DISC1: variants seen among roughly 807,000 people sequenced by gnomAD.
DISC1 encodes the protein disrupted in schizophrenia 1 protein.
Under a neutral mutation model 84.5 loss-of-function variants are expected in DISC1, and 57 were observed. The observed-to-expected ratio is 0.67, with a 90% CI of 0.55 to 0.84. The LOEUF is 0.84. Among genes scored for constraint, DISC1 ranks in the 40% least tolerant of loss-of-function variants. DISC1 has a pLI of 0.00. For missense variants in DISC1, 1,000 were observed against 1,057.8 expected (o/e 0.95, Z 0.76); for synonymous variants, 411 against 415.2 (o/e 0.99, Z 0.12).
intron 9 of DISC1, among the ~76,000 whole-genome samples, chr1:231,957,874 C>A (rs548426672): frequency 2.6e-5 from 4 of 152,208 alleles, no homozygotes; most frequent in Non-Finnish European, 5.9e-5. Context: ...TCCCCAGACA[C>A]TCCAGTAGCA....
intron 12 of DISC1, among the ~76,000 whole-genome samples, chr1:232,026,916 T>C (rs1669531685): frequency 6.6e-6 from 1 of 151,826 alleles, no homozygotes; most frequent in Non-Finnish European, 1.5e-5. Context: ...GCCCAGCTAA[T>C]TTTTTTGTAT....
intron 1 of DISC1, among the ~76,000 whole-genome samples, chr1:231,646,765 T>G (rs1018409155): frequency 2.0e-5 from 3 of 152,220 alleles, no homozygotes; most frequent in African/African-American, 7.2e-5. Flanking sequence ...ACTGATGTGA[T>G]ATGGTATCTC....
Position 232,012,794 on chromosome 1 carries a change from G to C in DISC1, c.2307+3745G>C, listed in dbSNP as rs530647475. On this transcript the variant is annotated intron_variant, in intron 11 of 12. Transcript: ENST00000439617. ...CTTCCTGGGTCTACGGTCCTTGCCA[G>C]GCTGCTGAGCACCATTCCCCCATTT... 1.9e-4 allele frequency among the ~76,000 whole-genome samples: 29 copies of C among 152,300 alleles called. No individual in the cohort carries two copies. The South Asian group carries it at 4.3e-3, about 23-fold the overall frequency.
intron 9 of DISC1, among the ~76,000 whole-genome samples, chr1:231,937,675 A>G (rs1322464459): frequency 3.3e-5 from 5 of 152,154 alleles, no homozygotes; most frequent in Admixed American, 3.3e-4. Context: ...TCCAGGCTGC[A>G]GCTGACAGGG....
chr1:231,947,917 C>T lies in DISC1; in HGVS notation c.1982-10911C>T, dbSNP rs572434631. Among the ~76,000 whole-genome samples, 4 of 152,328 alleles carry T rather than the reference C, an allele frequency of 2.6e-5. No individual in the cohort carries two copies. In the South Asian group the frequency reaches 8.3e-4, roughly 32 times the overall value. On this transcript the variant is annotated intron_variant, in intron 9 of 12. Coordinates refer to ENST00000439617, the MANE Select transcript of DISC1 (RefSeq NM_018662.3). The stretch of plus-strand genomic sequence containing the variant: ...TCAAAACCACAATGAGATACCATCT[C>T]ATGCCAGTTAGAATTGCGATCATTA...
chr1:231,832,758 A>G (rs1222598416), intron 9 of DISC1, among the ~76,000 whole-genome samples: 3 of 146,230 alleles, frequency 2.1e-5, no homozygotes, highest in Non-Finnish European at 4.5e-5. Context: ...TGGGTTTGGC[A>G]CCACAGGGTG....
rs137990908 is a variant in DISC1, at chr1:231,852,136, C to T, written c.1981+33619C>T. On this transcript the variant is annotated intron_variant, in intron 9 of 12. Transcript: ENST00000439617. ...AACTTGCTCGAGATCACACAGCCAG[C>T]GAGGGGTAGCATGGGATTAAACACC... Among the ~76,000 whole-genome samples, 72 of 152,228 alleles carry T rather than the reference C, an allele frequency of 4.7e-4. 2 individuals carry two copies. Among genetic ancestry groups the T allele is most frequent in the African/African-American group, 1.6e-3 (65 of 41,526 alleles).
At chr1:231,833,452 C>A (rs1301599152) in intron 9 of DISC1, among the ~76,000 whole-genome samples, 3 of 151,672 alleles carry the variant, frequency 2.0e-5, no homozygotes, top group Non-Finnish European at 4.4e-5. Context: ...GCTTCCAAGG[C>A]GATTTGGCAG....
At position 231,788,300 on chromosome 1, in the gene DISC1, A is replaced by T. The variant is rs112617965; in HGVS notation, c.1635-6942A>T. Among the ~76,000 whole-genome samples the T allele has an allele frequency of 7.2e-5, 11 of 152,256 alleles. 2 individuals carry two copies. The highest frequency in any genetic ancestry group is 2.4e-4 in the African/African-American group (10 of 41,550). Reference sequence around the variant, plus strand: ...ACTCCATCTCAGAAAAAACAAAAAAAGTCCAAGAATCAAGGTGTCAGCAGG... The same window carrying T: ...ACTCCATCTCAGAAAAAACAAAAAATGTCCAAGAATCAAGGTGTCAGCAGG... On this transcript the variant is annotated intron_variant, in intron 6 of 12. Coordinates refer to ENST00000439617, the MANE Select transcript of DISC1 (RefSeq NM_018662.3).
chr1:231,866,103 T>G (rs2085034476), intron 9 of DISC1, among the ~76,000 whole-genome samples: 2 of 152,112 alleles, frequency 1.3e-5, no homozygotes, highest in Admixed American at 6.5e-5. Flanking sequence ...GGTGTGTGTG[T>G]GTGGCTCAGT....
intron 9 of DISC1, among the ~76,000 whole-genome samples, chr1:231,840,561 G>T: frequency 6.6e-6 from 1 of 152,202 alleles, no homozygotes; most frequent in East Asian, 1.9e-4. Context: ...AAAGGCTACA[G>T]CTGTAGCATC....
chr1:231,660,202 A>T (rs1251613517), intron 1 of DISC1, among the ~76,000 whole-genome samples: 1 of 151,568 alleles, frequency 6.6e-6, no homozygotes, highest in African/African-American at 2.4e-5. Context: ...CTCTTGTTGA[A>T]TTGAACTCTT....
chr1:231,702,633 G>A (rs201665399), intron 3 of DISC1: 12 of 982,204 alleles, frequency 1.2e-5, no homozygotes, highest in Non-Finnish European at 1.5e-5. Flanking sequence ...CTGAGGCCAG[G>A]AAAACAAACA....
At chr1:231,904,144 G>A (rs934195788) in intron 9 of DISC1, among the ~76,000 whole-genome samples, 5 of 152,190 alleles carry the variant, frequency 3.3e-5, no homozygotes, top group African/African-American at 1.2e-4. Context: ...TGGCACCTTT[G>A]AGGTAGGTAT....
intron 9 of DISC1, among the ~76,000 whole-genome samples, chr1:231,906,687 G>T (rs956081395): frequency 6.6e-6 from 1 of 152,054 alleles, no homozygotes; most frequent in Non-Finnish European, 1.5e-5. Context: ...AAGCCGTTCA[G>T]GTTAGAGGGT....
intron 3 of DISC1, among the ~76,000 whole-genome samples, chr1:231,704,759 CAAAAAAAAAAAA>C (rs146300199): frequency 3.7e-4 from 9 of 24,356 alleles, no homozygotes; most frequent in African/African-American, 1.0e-3. Context: ...GACTCCGTCT[CAAAAAAAAAAAA>C]AAAAAAAAAA....
At chr1:231,951,167 A>G (rs1417866) in intron 9 of DISC1, among the ~76,000 whole-genome samples, 5,730 of 152,290 alleles carry the variant, frequency 0.038, 307 homozygotes, top group East Asian at 0.28. Flanking sequence ...GTTACTTACT[A>G]TAACTCAGCA....
At chr1:231,699,015 A>G (rs181106127) in intron 2 of DISC1, among the ~76,000 whole-genome samples, 3 of 152,344 alleles carry the variant, frequency 2.0e-5, no homozygotes, top group African/African-American at 7.2e-5. Flanking sequence ...GAGGCTCAAC[A>G]CAACAAAATT....
At position 231,917,556 on chromosome 1, in the gene DISC1, A is replaced by G. The variant is rs143134408; in HGVS notation, c.1982-41272A>G. On this transcript the variant is annotated intron_variant, in intron 9 of 12. Coordinates refer to ENST00000439617, the MANE Select transcript of DISC1 (RefSeq NM_018662.3). Reference sequence around the variant, plus strand: ...GAGGAAAAGTGAAGTTAGGAGAGCTATGTTCACTTTCCAAGGCTACATAGA... The same window carrying G: ...GAGGAAAAGTGAAGTTAGGAGAGCTGTGTTCACTTTCCAAGGCTACATAGA... Among the ~76,000 whole-genome samples, 975 of 152,332 alleles carry G rather than the reference A, an allele frequency of 6.4e-3. 7 individuals carry two copies. Among genetic ancestry groups the G allele is most frequent in the African/African-American group, 0.021 (867 of 41,564 alleles).
Sources: gnomAD v4.1 joint callset for allele counts (sites outside exome capture counted in the v4.1 genomes callset) on GRCh38, gnomAD v4.1.1 for gene constraint, MANE v1.5 for transcripts, NCBI Gene and HGNC (gene_info 2026-07-23, HGNC 2026-07-21) for gene names.